QKI: variants seen among roughly 807,000 people sequenced by gnomAD.
The protein encoded by QKI is QKI, KH domain containing RNA binding, also known as KH domain-containing RNA-binding protein QKI.
QKI carries 10 observed loss-of-function variants against 39.0 expected under a neutral mutation model. The observed-to-expected ratio is 0.26, with a 90% CI of 0.16 to 0.43. The LOEUF (loss-of-function observed/expected upper bound fraction) is 0.43. Among genes scored for constraint, QKI ranks in the 20% least tolerant of loss-of-function variants. The probability of loss-of-function intolerance (pLI) is 1.00; values close to 1 mark genes in which losing one functional copy is unlikely to be tolerated. For missense variants in QKI, 218 were observed against 428.0 expected, an observed-to-expected ratio of 0.51 and a Z score of 4.33; for synonymous variants, 204 against 155.4, an observed-to-expected ratio of 1.31 and a Z score of -2.33.
Position 163,573,313 on chromosome 6 carries a change from A to G in QKI, c.*2603A>G, listed in dbSNP as rs761300879. 2 of 152,150 alleles carry G rather than the reference A, an allele frequency of 1.3e-5. No individual in the cohort carries two copies. The highest frequency in any genetic ancestry group is 2.9e-5 in the Non-Finnish European group (2 of 68,018). The allele number at this position is 152,150 out of a possible 1,614,324, so 9.4% of individuals were successfully genotyped here. ...GACTTTTTTTCTGACAGTATTATGTAATTTTTTAGCGTGGGTAGATGGGAG... is the reference window on the plus strand; with the variant it reads ...GACTTTTTTTCTGACAGTATTATGTGATTTTTTAGCGTGGGTAGATGGGAG... On this transcript the variant is annotated 3_prime_UTR_variant, in exon 8 of 8. Transcript: ENST00000361752.
At chr6:163,476,458 A>G (rs754937731) in intron 2 of QKI, among the ~76,000 whole-genome samples, 2 of 152,166 alleles carry the variant, frequency 1.3e-5, no homozygotes, top group Non-Finnish European at 2.9e-5. Context: ...GCTTGTGTTC[A>G]TGAACAGAGC....
chr6:163,439,656 C>CTTTT (rs375640583), intron 1 of QKI, among the ~76,000 whole-genome samples: 12 of 124,248 alleles, frequency 9.7e-5, no homozygotes, highest in Admixed American at 3.3e-4. Context: ...GTCCTGAATC[C>CTTTT]TTTTTTTTTT....
At position 163,574,511 on chromosome 6, in the gene QKI, T is replaced by C. The variant is rs985482653; in HGVS notation, c.*3801T>C. The C allele has an allele frequency of 1.3e-5, 2 of 152,188 alleles. No homozygotes were observed. Among genetic ancestry groups the C allele is most frequent in the Non-Finnish European group, 2.9e-5 (2 of 68,020 alleles). 9.4% of individuals were successfully genotyped at this position (152,188 alleles called of 1,614,324 possible). The stretch of plus-strand genomic sequence containing the variant: ...TGAGCTTTCCTCAGGTATTTTTTTC[T>C]CTGTCACCTACTTTACAAATACAGT... On this transcript the variant is annotated 3_prime_UTR_variant, in exon 8 of 8. Coordinates refer to ENST00000361752, the MANE Select transcript of QKI (RefSeq NM_006775.3).
At chr6:163,454,572 A>G (rs1011901230) in intron 1 of QKI, among the ~76,000 whole-genome samples, 5 of 151,900 alleles carry the variant, frequency 3.3e-5, no homozygotes, top group African/African-American at 9.7e-5. Flanking sequence ...TGAATCTGTC[A>G]TTTCTTAGCT....
In QKI at chr6:163,535,134, T is replaced by G. The variant is rs972164923; in HGVS notation, c.546+9T>G. 1 of 1,576,190 alleles carries G rather than the reference T, an allele frequency of 6.3e-7. No homozygotes were observed. On this transcript the variant is annotated intron_variant, in intron 4 of 7. Coordinates refer to ENST00000361752, the MANE Select transcript of QKI (RefSeq NM_006775.3). ...AATTATTGGTACCTGCAGTAAGTAA[T>G]AATTTCCAGACCTTAGATTTGGGCC...
chr6:163,538,614 A>G (rs1250999059), intron 4 of QKI, among the ~76,000 whole-genome samples: 1 of 152,114 alleles, frequency 6.6e-6, no homozygotes, highest in Non-Finnish European at 1.5e-5. Flanking sequence ...GAATTTGAGG[A>G]AAGGAGGGAC....
At chr6:163,472,708 C>T (rs1464397786) in intron 2 of QKI, among the ~76,000 whole-genome samples, 2 of 152,090 alleles carry the variant, frequency 1.3e-5, no homozygotes, top group East Asian at 3.9e-4. Context: ...CTGTAGGAAG[C>T]TAAAAATCAA....
In QKI at chr6:163,478,771, T is replaced by C; in HGVS notation, c.286-9T>C. 6.4e-7 allele frequency: 1 copy of C among 1,563,446 alleles called. No homozygotes were observed. The highest frequency in any genetic ancestry group is 8.7e-7 in the Non-Finnish European group (1 of 1,146,556). On this transcript the variant is annotated splice_polypyrimidine_tract_variant and intron_variant, in intron 2 of 7. Transcript: ENST00000361752. ...ATAATGTATAGTGATCCTTTTTTTT[T>C]TTTCTCAGTTTAATTTTGTTGGGAG...
intron 1 of QKI, among the ~76,000 whole-genome samples, chr6:163,415,688 C>T (rs1169882856): frequency 6.6e-6 from 1 of 151,774 alleles, no homozygotes; most frequent in Admixed American, 6.6e-5. Context: ...GTGGTCCTCG[C>T]CGAGCCCTCC....
chr6:163,487,961 C>T lies in QKI; in HGVS notation c.402+9065C>T, dbSNP rs576264348. Among the ~76,000 whole-genome samples the T allele has an allele frequency of 3.6e-4, 55 of 151,854 alleles. No homozygotes were observed. In the Middle Eastern group the frequency reaches 0.024, roughly 66 times the overall value. On this transcript the variant is annotated intron_variant, in intron 3 of 7. Coordinates refer to ENST00000361752, the MANE Select transcript of QKI (RefSeq NM_006775.3). ...CTAGATACAGTTTTTATCAGAAAGG[C>T]GGAATAAATGTTTAATTCTTTATTT...
At chr6:163,513,552 G>T (rs1230988368) in intron 3 of QKI, among the ~76,000 whole-genome samples, 1 of 152,138 alleles carries the variant, frequency 6.6e-6, no homozygotes, top group Non-Finnish European at 1.5e-5. Context: ...ATTAGTGAAT[G>T]CCTAAGACTT....
At chr6:163,546,117 T>A (rs114482588) in intron 4 of QKI, among the ~76,000 whole-genome samples, 4,184 of 150,508 alleles carry the variant, frequency 0.028, 190 homozygotes, top group African/African-American at 0.095. Flanking sequence ...TGGGGTTTTT[T>A]AAAAATTTCT....
intron 3 of QKI, among the ~76,000 whole-genome samples, chr6:163,512,349 A>G (rs1779534864): frequency 6.6e-6 from 1 of 152,080 alleles, no homozygotes; most frequent in Admixed American, 6.5e-5. Context: ...ATAAAGCAGT[A>G]AAACAAAATA....
intron 3 of QKI, among the ~76,000 whole-genome samples, chr6:163,523,556 T>G (rs1393742823): frequency 2.0e-5 from 3 of 152,228 alleles, no homozygotes; most frequent in Non-Finnish European, 4.4e-5. Flanking sequence ...GATTCCATAG[T>G]TCCTTTTAAA....
At chr6:163,547,949 A>G (rs1487315749) in intron 4 of QKI, among the ~76,000 whole-genome samples, 1 of 152,138 alleles carries the variant, frequency 6.6e-6, no homozygotes, top group East Asian at 1.9e-4. Flanking sequence ...TTCATAGCTT[A>G]TCTTCATCTA....
chr6:163,468,803 G>A (rs918742687), intron 2 of QKI, among the ~76,000 whole-genome samples: 4 of 152,168 alleles, frequency 2.6e-5, no homozygotes, highest in African/African-American at 9.7e-5. Flanking sequence ...ATTGAATGAA[G>A]CTGCAGAACT....
chr6:163,485,558 C>T (rs1485011684), intron 3 of QKI, among the ~76,000 whole-genome samples: 2 of 152,084 alleles, frequency 1.3e-5, no homozygotes, highest in East Asian at 1.9e-4. Flanking sequence ...TGCAATTTGT[C>T]AGCTCTTCTG....
In QKI at chr6:163,415,135, C is replaced by G; in HGVS notation, c.-59C>G. 7.5e-7 allele frequency: 1 copy of G among 1,326,668 alleles called. No individual in the cohort carries two copies. The highest frequency in any genetic ancestry group is 1.4e-5 in the South Asian group (1 of 69,000). 82.2% of individuals were successfully genotyped at this position (1,326,668 alleles called of 1,614,324 possible). A position where few individuals can be genotyped will look rare whatever the true frequency, so the allele number is the denominator to read the frequency against. On this transcript the variant is annotated 5_prime_UTR_variant, in exon 1 of 8. Transcript: ENST00000361752. ...CGGCCGGGGCTCGCCCCCGCCCCTC[C>G]CTCCTCTCCGGCGGCGGCGGCGGCG...
intron 1 of QKI, among the ~76,000 whole-genome samples, chr6:163,421,211 C>T (rs1030002186): frequency 1.3e-5 from 2 of 152,178 alleles, no homozygotes; most frequent in African/African-American, 4.8e-5. Flanking sequence ...AACTTAAAAA[C>T]ATGTCATGTT....
Sources: gnomAD v4.1 joint callset for allele counts (sites outside exome capture counted in the v4.1 genomes callset) on GRCh38, gnomAD v4.1.1 for gene constraint, MANE v1.5 for transcripts, NCBI Gene and HGNC (gene_info 2026-07-23, HGNC 2026-07-21) for gene names.